Variants in GTF2F2 observed in about 807,000 individuals in gnomAD.
GTF2F2 encodes the protein ATP-dependent helicase GTF2F2.
In GTF2F2, 23 loss-of-function variants were observed where a neutral mutation model predicts 42.2. That is an observed-to-expected ratio of 0.55 (90% CI 0.39 to 0.77). GTF2F2 has a LOEUF of 0.77. Among genes scored for constraint, GTF2F2 ranks in the 30% least tolerant of loss-of-function variants. The pLI, the probability that GTF2F2 is intolerant of heterozygous loss-of-function variation, is 0.00. For synonymous variants in GTF2F2, 105 were observed against 100.8 expected (o/e 1.04, Z -0.25); for missense variants, 261 against 287.2 (o/e 0.91, Z 0.66).
intron 5 of GTF2F2, among the ~76,000 whole-genome samples, chr13:45,243,994 C>G (rs1875456754): frequency 6.6e-6 from 1 of 152,164 alleles, no homozygotes; most frequent in African/African-American, 2.4e-5. Context: ...TATTTTCTAT[C>G]CACAGTTGGT....
chr13:45,275,136 G>T (rs1452224058), intron 7 of GTF2F2, among the ~76,000 whole-genome samples: 1 of 152,038 alleles, frequency 6.6e-6, no homozygotes, highest in East Asian at 1.9e-4. Flanking sequence ...ATATGGATAT[G>T]TGATTTCTTA....
intron 4 of GTF2F2, among the ~76,000 whole-genome samples, chr13:45,160,524 GCATCATACATC>G (rs1870983610): frequency 6.6e-6 from 1 of 152,106 alleles, no homozygotes; most frequent in African/African-American, 2.4e-5. Flanking sequence ...TGATTTTGTA[GCATCATACATC>G]CATCATCTGG....
At chr13:45,182,069 C>G (rs1872190576) in intron 4 of GTF2F2, among the ~76,000 whole-genome samples, 1 of 152,110 alleles carries the variant, frequency 6.6e-6, no homozygotes, top group Non-Finnish European at 1.5e-5. Context: ...CTTCTTCATA[C>G]CCTGCCATTT....
chr13:45,216,969 T>A (rs1008238038), intron 5 of GTF2F2, among the ~76,000 whole-genome samples: 2 of 152,064 alleles, frequency 1.3e-5, no homozygotes, highest in African/African-American at 4.8e-5. Flanking sequence ...TGCTTTCATG[T>A]CCCTAAATGT....
intron 4 of GTF2F2, among the ~76,000 whole-genome samples, chr13:45,205,489 A>G (rs886463400): frequency 2.0e-5 from 3 of 152,210 alleles, no homozygotes; most frequent in African/African-American, 7.2e-5. Flanking sequence ...ATGTGACTAA[A>G]TTATTTGCAG....
At chr13:45,160,312 A>G (rs1375467692) in intron 4 of GTF2F2, among the ~76,000 whole-genome samples, 1 of 152,200 alleles carries the variant, frequency 6.6e-6, no homozygotes, top group Non-Finnish European at 1.5e-5. Context: ...ATAAATACAT[A>G]GTTGGAAAAG....
intron 5 of GTF2F2, among the ~76,000 whole-genome samples, chr13:45,232,638 A>G (rs76487102): frequency 0.046 from 7,001 of 152,214 alleles, 250 homozygotes; most frequent in Non-Finnish European, 0.064. Flanking sequence ...TGTCTCAGAA[A>G]AAAAGAAATG....
intron 4 of GTF2F2, among the ~76,000 whole-genome samples, chr13:45,189,396 A>G (rs1011927643): frequency 1.3e-5 from 2 of 152,236 alleles, no homozygotes; most frequent in Non-Finnish European, 2.9e-5. Context: ...AGCATGATTT[A>G]TAATCCTCTG....
At chr13:45,223,049 T>G (rs1874180671) in intron 5 of GTF2F2, among the ~76,000 whole-genome samples, 1 of 151,992 alleles carries the variant, frequency 6.6e-6, no homozygotes, top group South Asian at 2.1e-4. Context: ...TTATGGAGAC[T>G]TCATCTCTAT....
chr13:45,239,554 A>G (rs1875175117), intron 5 of GTF2F2, among the ~76,000 whole-genome samples: 1 of 152,240 alleles, frequency 6.6e-6, no homozygotes, highest in African/African-American at 2.4e-5. Context: ...ACCTTACTCA[A>G]CACATACCAA....
intron 5 of GTF2F2, among the ~76,000 whole-genome samples, chr13:45,238,906 T>G (rs1305693665): frequency 7.0e-6 from 1 of 143,340 alleles, no homozygotes; most frequent in African/African-American, 2.7e-5. Context: ...ATGGCGCCAT[T>G]GCACTCCAGT....
At chr13:45,189,701 G>C (rs866314194) in intron 4 of GTF2F2, among the ~76,000 whole-genome samples, 4 of 152,058 alleles carry the variant, frequency 2.6e-5, no homozygotes, top group Non-Finnish European at 2.9e-5. Context: ...TACCATTCAG[G>C]ACATAGGCAT....
rs146681592 is a variant in GTF2F2 at position 45,272,461 on chromosome 13, T to C, written c.630+5085T>C. ...AAAAACAAAAAAAAAAAACAGGGTC[T>C]GAACAGGTGAGTGGTTCACGTGAGT... On this transcript the variant is annotated intron_variant, in intron 7 of 7. Transcript: ENST00000340473. Among the ~76,000 whole-genome samples the C allele has an allele frequency of 5.7e-5, 7 of 123,538 alleles. No individual in the cohort carries two copies. The East Asian group carries it at 1.4e-3, about 25-fold the overall frequency. 81.0% of individuals were successfully genotyped at this position (123,538 alleles called of 152,430 possible).
At chr13:45,277,905 G>A (rs777272302) in intron 7 of GTF2F2, among the ~76,000 whole-genome samples, 1 of 152,216 alleles carries the variant, frequency 6.6e-6, no homozygotes, top group Non-Finnish European at 1.5e-5. Context: ...ATTTTGGGAA[G>A]ATTTTGTGAC....
At chr13:45,153,190 T>G (rs1316754394) in intron 4 of GTF2F2, among the ~76,000 whole-genome samples, 1 of 151,354 alleles carries the variant, frequency 6.6e-6, no homozygotes, top group African/African-American at 2.4e-5. Flanking sequence ...TTTTTTTTTT[T>G]TGTATTTTTA....
At chr13:45,277,198 T>C (rs1032087704) in intron 7 of GTF2F2, among the ~76,000 whole-genome samples, 16 of 152,232 alleles carry the variant, frequency 1.1e-4, no homozygotes, top group African/African-American at 2.9e-4. Flanking sequence ...TATTAGGCCA[T>C]TCTTGCATTG....
rs1869489440 is a variant in GTF2F2 at position 45,133,929 on chromosome 13, GTCTC to G, written c.67-2798_67-2795del. Among the ~76,000 whole-genome samples the G allele has an allele frequency of 2.0e-5, 3 of 152,172 alleles. No individual in the cohort carries two copies. The South Asian group carries it at 6.2e-4, about 31-fold the overall frequency. On this transcript the variant is annotated intron_variant, in intron 1 of 7. Coordinates refer to ENST00000340473, the MANE Select transcript of GTF2F2 (RefSeq NM_004128.3). Reference sequence around the variant, plus strand: ...GATATCCTCCTGTATACACCCCATGGTCTCTCTCTGGTCCTCCTGATTCCGCCAC... The same window carrying G: ...GATATCCTCCTGTATACACCCCATGGTCTCTGGTCCTCCTGATTCCGCCAC...
chr13:45,179,393 AAGG>A (rs1233969706), intron 4 of GTF2F2, among the ~76,000 whole-genome samples: 4 of 152,174 alleles, frequency 2.6e-5, no homozygotes, highest in Non-Finnish European at 5.9e-5. Flanking sequence ...TGAGAGTAAA[AAGG>A]AGCACTATTT....
At chr13:45,276,487 G>A (rs967661631) in intron 7 of GTF2F2, among the ~76,000 whole-genome samples, 3 of 151,714 alleles carry the variant, frequency 2.0e-5, no homozygotes, top group African/African-American at 7.3e-5. Flanking sequence ...CCCATCCTGG[G>A]GTGCAATGGC....
Sources: gnomAD v4.1 joint callset for allele counts (sites outside exome capture counted in the v4.1 genomes callset) on GRCh38, gnomAD v4.1.1 for gene constraint, MANE v1.5 for transcripts, NCBI Gene and HGNC (gene_info 2026-07-23, HGNC 2026-07-21) for gene names.